The following UNC13C variants were observed in gnomAD, a reference collection of about 807,000 sequenced individuals.
UNC13C encodes unc-13 homolog C.
In UNC13C, 174 loss-of-function variants were observed where a neutral mutation model predicts 245.4. The ratio of observed to expected loss-of-function variants is 0.71; its 90% CI spans 0.63 to 0.80. The LOEUF (loss-of-function observed/expected upper bound fraction) is 0.80. UNC13C is among the 30% of genes least tolerant of loss of function. UNC13C has a pLI of 0.00. For missense variants in UNC13C, 2,829 were observed against 2,602.9 expected (o/e 1.09, Z -1.89); for synonymous variants, 992 against 895.1 (o/e 1.11, Z -1.93).
At chr15:54,098,761 T>C (rs978325782) in intron 2 of UNC13C, among the ~76,000 whole-genome samples, 3 of 152,234 alleles carry the variant, frequency 2.0e-5, no homozygotes, top group African/African-American at 7.2e-5. Context: ...GTAAAACATT[T>C]TGACCAAGAA....
chr15:54,029,657 G>T (rs1396309728), intron 2 of UNC13C, among the ~76,000 whole-genome samples: 3 of 152,178 alleles, frequency 2.0e-5, no homozygotes, highest in Admixed American at 2.0e-4. Flanking sequence ...CAGCAAGAAA[G>T]TAAGACAATG....
At chr15:54,238,040 G>A (rs2035751382) in intron 7 of UNC13C, among the ~76,000 whole-genome samples, 1 of 147,426 alleles carries the variant, frequency 6.8e-6, no homozygotes, top group Non-Finnish European at 1.5e-5. Context: ...TCCCCTTCCA[G>A]CTGAATGATT....
At chr15:53,963,796 T>C in the UNC13C span, among the ~76,000 whole-genome samples, 1 of 152,290 alleles carries the variant, frequency 6.6e-6, no homozygotes, top group African/African-American at 2.4e-5. Context: ...ATGGCTGACA[T>C]TCATGGTTCA....
intron 8 of UNC13C, among the ~76,000 whole-genome samples, chr15:54,250,758 T>TC (rs1317621554): frequency 1.1e-3 from 146 of 129,610 alleles, no homozygotes; most frequent in African/African-American, 3.1e-3. Context: ...TCTTTTTTTT[T>TC]TTTTTTTTTT....
chr15:54,397,014 G>T (rs540107530), intron 18 of UNC13C, among the ~76,000 whole-genome samples: 2 of 150,818 alleles, frequency 1.3e-5, no homozygotes, highest in Non-Finnish European at 1.5e-5. Context: ...TAGTTATTGC[G>T]CATTTTTAAA....
intron 2 of UNC13C, among the ~76,000 whole-genome samples, chr15:54,129,516 C>T (rs2031275144): frequency 6.6e-6 from 1 of 151,970 alleles, no homozygotes; most frequent in Non-Finnish European, 1.5e-5. Flanking sequence ...GATATTCTTT[C>T]ATAGGGAGAA....
chr15:54,626,591 T>C (rs1216624939), intron 32 of UNC13C, among the ~76,000 whole-genome samples: 1 of 152,134 alleles, frequency 6.6e-6, no homozygotes, highest in African/African-American at 2.4e-5. Flanking sequence ...CCTCGACTGA[T>C]TAAGTGTAAC....
Position 54,569,002 on chromosome 15 carries a change from A to G in UNC13C, c.6106+1055A>G, listed in dbSNP as rs529708636. ...CAGAAAGGGAAAAGTCGAGCTCATG[A>G]GAGATTGTCAAGAGATGCAGAAATA... On this transcript the variant is annotated intron_variant, in intron 30 of 32. Coordinates refer to ENST00000260323, the MANE Select transcript of UNC13C (RefSeq NM_001080534.3). 7.9e-5 allele frequency among the ~76,000 whole-genome samples: 12 copies of G among 152,318 alleles called. No individual in the cohort carries two copies. In the South Asian group the frequency reaches 2.3e-3, roughly 29 times the overall value.
chr15:54,336,523 G>A (rs1381399585), intron 16 of UNC13C, among the ~76,000 whole-genome samples: 2 of 151,296 alleles, frequency 1.3e-5, no homozygotes, highest in East Asian at 3.9e-4. Flanking sequence ...AATGCTCTTG[G>A]TTAAACCAAC....
intron 17 of UNC13C, among the ~76,000 whole-genome samples, chr15:54,370,348 C>T (rs112356839): frequency 0.048 from 7,306 of 152,122 alleles, 255 homozygotes; most frequent in Admixed American, 0.11. Context: ...TTTTGGAATC[C>T]TGAATCACCC....
rs985935398 is a variant in UNC13C at position 54,627,143 on chromosome 15, A to G, written c.*30A>G. 8.9e-6 allele frequency: 14 copies of G among 1,576,046 alleles called. No individual in the cohort carries two copies. Among genetic ancestry groups the G allele is most frequent in the Middle Eastern group, 1.7e-4 (1 of 5,870 alleles). ...AACACTGCAAGCTAAATACATAACT[A>G]TAATTGTTTGACTACTGCATGCATG... On this transcript the variant is annotated 3_prime_UTR_variant, in exon 33 of 33. Transcript: ENST00000260323.
the UNC13C span, among the ~76,000 whole-genome samples, chr15:53,858,756 A>G: frequency 6.6e-6 from 1 of 152,128 alleles, no homozygotes; most frequent in Non-Finnish European, 1.5e-5. Context: ...AAACATGTTT[A>G]TCTGTGGCCT....
At chr15:53,990,891 C>T (rs1378490834) in intron 1 of UNC13C, among the ~76,000 whole-genome samples, 1 of 152,032 alleles carries the variant, frequency 6.6e-6, no homozygotes, top group South Asian at 2.1e-4. Context: ...GATTTATCCA[C>T]CTTGTCTCCT....
chr15:54,377,047 T>C (rs2039621985), intron 17 of UNC13C, among the ~76,000 whole-genome samples: 1 of 152,152 alleles, frequency 6.6e-6, no homozygotes, highest in South Asian at 2.1e-4. Context: ...ATCAGTGTTA[T>C]GCAGCTACAA....
At chr15:54,004,487 C>T (rs10459617) in intron 1 of UNC13C, among the ~76,000 whole-genome samples, 1 of 152,200 alleles carries the variant, frequency 6.6e-6, no homozygotes, top group Non-Finnish European at 1.5e-5. Context: ...GCAGATATCT[C>T]TTTGATATAA....
chr15:54,367,473 A>G (rs971954465), intron 17 of UNC13C, among the ~76,000 whole-genome samples: 9 of 152,140 alleles, frequency 5.9e-5, no homozygotes, highest in African/African-American at 1.7e-4. Context: ...TAGCTTTCCC[A>G]TTATGCCACA....
At chr15:54,173,424 TAC>T (rs2033491097) in intron 4 of UNC13C, among the ~76,000 whole-genome samples, 1 of 152,008 alleles carries the variant, frequency 6.6e-6, no homozygotes, top group African/African-American at 2.4e-5. Flanking sequence ...ATTTACATTG[TAC>T]AGTTACTGCA....
At chr15:54,320,905 T>C (rs1262916354) in intron 13 of UNC13C, 1 of 341,130 alleles carries the variant, frequency 2.9e-6, no homozygotes, top group African/African-American at 2.2e-5. Flanking sequence ...CCAAAATTGT[T>C]GTAGCTTCCA....
At chr15:54,397,112 A>G (rs923772065) in intron 18 of UNC13C, among the ~76,000 whole-genome samples, 1 of 151,520 alleles carries the variant, frequency 6.6e-6, no homozygotes, top group African/African-American at 2.4e-5. Flanking sequence ...AATCTTTGCA[A>G]TCTGCACAGT....
Sources: allele counts gnomAD v4.1 joint callset (sites outside exome capture counted in the v4.1 genomes callset), GRCh38; gene constraint gnomAD v4.1.1; transcripts MANE v1.5; gene names NCBI Gene and HGNC (gene_info 2026-07-23, HGNC 2026-07-21).